P2RX2: variants seen among roughly 807,000 people sequenced by gnomAD.
P2RX2 encodes the protein purinergic receptor P2X 2.
A neutral mutation model predicts 54.8 loss-of-function variants in P2RX2; 50 were observed. The observed-to-expected ratio is 0.91, with a 90% CI of 0.73 to 1.15. The LOEUF (loss-of-function observed/expected upper bound fraction) is 1.15, where lower values mean the gene tolerates loss of function less well. P2RX2 is among the 50% of genes most tolerant of loss of function. P2RX2 has a pLI of 0.00. For missense variants in P2RX2, 658 were observed against 633.2 expected, an observed-to-expected ratio of 1.04 and a Z score of -0.42; for synonymous variants, 289 against 259.4, an observed-to-expected ratio of 1.11 and a Z score of -1.09.
At chr12:132,619,625 G>A in intron 2 of P2RX2, 51 bp downstream of exon 2, 3 of 1,590,376 alleles carry the variant, frequency 1.9e-6, no homozygotes, top group Non-Finnish European at 2.6e-6. Flanking sequence ...ACCCTAGTGG[G>A]CGGAGGGGGC....
Position 132,619,904 on chromosome 12 carries a change from G to C in P2RX2, c.442G>C (p.Asp148His). ...CGCCGACTGCGTGGCTGGGGAGCTG[G>C]ACATGCTGGGAAACGGTCGGTGTGC... is the stretch of plus-strand genomic sequence containing the variant. ...SDADCVAGEL[D>H]MLGNGLRTGR... The change falls in exon 4 of 11, where the codon GAC becomes CAC. Residue 148 changes from aspartate (D) to histidine (H), a missense_variant. Transcript: ENST00000643471. 6.4e-7 allele frequency: 1 copy of C among 1,560,236 alleles called. No homozygotes were observed. The highest frequency in any genetic ancestry group is 1.1e-5 in the South Asian group (1 of 89,970).
At position 132,619,923 on chromosome 12, in the gene P2RX2, G is replaced by C. The variant is rs764751664; in HGVS notation, c.457+4G>C. ...GAGCTGGACATGCTGGGAAACGGTCGGTGTGCGCCAGCTGGGGCTGGGCGG... is the reference window on the plus strand; with the variant it reads ...GAGCTGGACATGCTGGGAAACGGTCCGTGTGCGCCAGCTGGGGCTGGGCGG... On this transcript the variant is annotated splice_donor_region_variant and intron_variant, in intron 4 of 10. Transcript: ENST00000643471. 3 of 1,607,624 alleles carry C rather than the reference G, an allele frequency of 1.9e-6. No individual in the cohort carries two copies. The highest frequency in any genetic ancestry group is 2.2e-5 in the South Asian group (2 of 90,134).
chr12:132,619,573 A>C lies in P2RX2; in HGVS notation c.308A>C (p.Glu103Ala), dbSNP rs2041549898. 6.2e-7 allele frequency: 1 copy of C among 1,609,306 alleles called. No individual in the cohort carries two copies. Among genetic ancestry groups the C allele is most frequent in the African/African-American group, 1.3e-5 (1 of 74,538 alleles). ...WDVEEYVKPP[E>A]GGSVFSIITR... Reference sequence around the variant, plus strand: ...GTGGAGGAGTACGTGAAGCCCCCCGAGGTGCGGGCCGCCCCCTGCCCCCCG... The same window carrying C: ...GTGGAGGAGTACGTGAAGCCCCCCGCGGTGCGGGCCGCCCCCTGCCCCCCG... Residue 103 changes from glutamate (E) to alanine (A), a missense_variant and splice_region_variant, in exon 2 of 11, where the codon GAG becomes GCG. Glu to Ala is a moderately radical substitution (Grantham distance 107, BLOSUM62 -1). Transcript: ENST00000643471.
At chr12:132,621,201 G>A in intron 8 of P2RX2, 54 bp from the exon 9 acceptor site, 1 of 1,613,916 alleles carries the variant, frequency 6.2e-7, no homozygotes, top group Non-Finnish European at 8.5e-7. Context: ...CCCAATGCCT[G>A]TGGGGCAGCC....
In P2RX2 at chr12:132,621,288, C is replaced by T; in HGVS notation, c.939C>T (p.Thr313=). The T allele has an allele frequency of 3.1e-6, 5 of 1,614,050 alleles. No individual in the cohort carries two copies. Among genetic ancestry groups the T allele is most frequent in the South Asian group, 1.1e-5 (1 of 91,080 alleles). The change falls in exon 9 of 11, where the codon ACC becomes ACT. Residue 313 remains threonine (T), a synonymous_variant. Transcript: ENST00000643471. ...FAKYYKINGT[T]TRTLIKAYGI... ...AATACTACAAGATCAATGGCACCAC[C>T]ACCCGCACGCTCATCAAGGCCTACG...
Position 132,622,319 on chromosome 12 carries a change from A to T in P2RX2, c.*347A>T. 1 of 865,498 alleles carries T rather than the reference A, an allele frequency of 1.2e-6. No homozygotes were observed. Among genetic ancestry groups the T allele is most frequent in the Non-Finnish European group, 1.5e-6 (1 of 648,822 alleles). The allele number at this position is 865,498 out of a possible 1,614,324, so 53.6% of individuals were successfully genotyped here. ...CCCACCCCACCCCACAGGCGTTGTA[A>T]CCTTGAATCTGCCCAGACTCTTCCC... is the stretch of plus-strand genomic sequence containing the variant. On this transcript the variant is annotated 3_prime_UTR_variant, in exon 11 of 11. Transcript: ENST00000643471.
At chr12:132,621,575 G>A (rs547555477) in intron 10 of P2RX2, 35 bp downstream of exon 10, 3 of 1,602,284 alleles carry the variant, frequency 1.9e-6, no homozygotes, top group Admixed American at 1.7e-5. Flanking sequence ...AGCGGGTGCG[G>A]GGGGTCCACC....
At chr12:132,619,941 C>A (rs1341502216) in intron 4 of P2RX2, 22 bp downstream of exon 4, 1 of 681,228 alleles carries the variant, frequency 1.5e-6, no homozygotes, top group Non-Finnish European at 2.6e-6. Flanking sequence ...CCAGCTGGGG[C>A]TGGGCGGGTG....
At chr12:132,621,579 G>A (rs1018815433) in intron 10 of P2RX2, 39 bp downstream of exon 10, 17 of 1,603,916 alleles carry the variant, frequency 1.1e-5, no homozygotes, top group African/African-American at 1.3e-5. Flanking sequence ...GGTGCGGGGG[G>A]TCCACCAGGC....
At chr12:132,620,139 C>A in intron 5 of P2RX2, 43 bp downstream of exon 5, 1 of 1,533,600 alleles carries the variant, frequency 6.5e-7, no homozygotes, top group Non-Finnish European at 8.9e-7. Context: ...CCCCTCTGAT[C>A]CTTTTCCCCT....
Position 132,619,572 on chromosome 12 carries a change from G to A in P2RX2, c.307G>A (p.Glu103Lys). The A allele has an allele frequency of 6.2e-7, 1 of 1,610,300 alleles. No homozygotes were observed. Among genetic ancestry groups the A allele is most frequent in the Non-Finnish European group, 8.5e-7 (1 of 1,178,338 alleles). The stretch of plus-strand genomic sequence containing the variant: ...CGTGGAGGAGTACGTGAAGCCCCCC[G>A]AGGTGCGGGCCGCCCCCTGCCCCCC... The part of the protein sequence containing the change: ...WDVEEYVKPP[E>K]GGSVFSIITR... The change falls in exon 2 of 11, where the codon GAG (glutamate) becomes AAG (lysine). Residue 103 changes from glutamate (E) to lysine (K), a missense_variant and splice_region_variant. Coordinates refer to ENST00000643471, the MANE Select transcript of P2RX2 (RefSeq NM_170682.4).
rs762984068 is a variant in P2RX2 at position 132,621,595 on chromosome 12, C to T, written c.1063-24C>T. The T allele has an allele frequency of 2.0e-5, 32 of 1,611,300 alleles. No homozygotes were observed. The highest frequency in any genetic ancestry group is 2.2e-5 in the East Asian group (1 of 44,872). On this transcript the variant is annotated intron_variant, in intron 10 of 10. Coordinates refer to ENST00000643471, the MANE Select transcript of P2RX2 (RefSeq NM_170682.4). ...GTGCGGGGGGTCCACCAGGCCCTTA[C>T]ACACCGGTCTCTGCTGGCCCCAGGG...
In P2RX2 at chr12:132,620,253, C is replaced by T. The variant is rs202059124; in HGVS notation, c.555-14C>T. The T allele has an allele frequency of 9.1e-5, 147 of 1,611,584 alleles. 1 individual carries two copies. In the East Asian group the frequency reaches 3.2e-3, roughly 35 times the overall value. ...GGGAAGAGGGGACTAAACAACCCTT[C>T]TGTGCCTCCTCAGCCAATTTCTGGG... On this transcript the variant is annotated splice_polypyrimidine_tract_variant and intron_variant, in intron 5 of 10. Transcript: ENST00000643471.
Position 132,621,118 on chromosome 12 carries a change from G to C in P2RX2, c.892G>C (p.Gly298Arg). ...LDPKHVPASS[G>R]YNFRFAKYYK... The stretch of plus-strand genomic sequence containing the variant: ...CCCCAAGCACGTGCCTGCCTCGTCA[G>C]GCTACAACTTCAGGTGCTGTACTTG... The change falls in exon 8 of 11, where the codon GGC (glycine) becomes CGC (arginine). Residue 298 changes from glycine (G) to arginine (R), a missense_variant. Physicochemically the swap from Gly to Arg is moderately radical, Grantham distance 125 (BLOSUM62 -2). Coordinates refer to ENST00000643471, the MANE Select transcript of P2RX2 (RefSeq NM_170682.4). The C allele has an allele frequency of 6.2e-7, 1 of 1,614,106 alleles. No individual in the cohort carries two copies. The highest frequency in any genetic ancestry group is 8.5e-7 in the Non-Finnish European group (1 of 1,180,014).
In P2RX2 at chr12:132,619,178, T is replaced by TC. The variant is rs1566290091; in HGVS notation, c.173+189_173+190insC. On this transcript the variant is annotated intron_variant, in intron 1 of 10. Transcript: ENST00000643471. ...GGGGGCGCGGGGCAGGGGCTGGGAC[T>TC]GGGGGCGTGGGGCAGGGGCTGGGAC... 7.0e-3 allele frequency among the ~76,000 whole-genome samples: 228 copies of TC among 32,594 alleles called. 5 individuals are homozygous for TC. The highest frequency in any genetic ancestry group is 8.2e-3 in the Admixed American group (20 of 2,430). The allele number at this position is 32,594 out of a possible 152,430, so 21.4% of individuals were successfully genotyped here.
Position 132,621,336 on chromosome 12 carries a change from G to A in P2RX2, c.987G>A (p.Val329=), listed in dbSNP as rs1367761579. 3.1e-6 allele frequency: 5 copies of A among 1,613,898 alleles called. No homozygotes were observed. Among genetic ancestry groups the A allele is most frequent in the Non-Finnish European group, 4.2e-6 (5 of 1,180,000 alleles). ...KAYGIRIDVI[V]HGQAGKFSLI... is the part of the protein sequence containing the mutation. The stretch of plus-strand genomic sequence containing the variant: ...ACGGGATCCGCATTGACGTCATTGT[G>A]CATGGACAGGTGCCTGCACCTGCTG... Residue 329 remains valine (V), a synonymous_variant, in exon 9 of 11, where the codon GTG becomes GTA. Coordinates refer to ENST00000643471, the MANE Select transcript of P2RX2 (RefSeq NM_170682.4).
intron 3 of P2RX2, 24 bp from the exon 4 acceptor site, chr12:132,619,820 C>T: frequency 6.2e-7 from 1 of 1,610,512 alleles, no homozygotes; most frequent in Non-Finnish European, 8.5e-7. Context: ...TGCGGGGTCC[C>T]TGACTGGGCC....
At chr12:132,620,237 G>A (rs2138370170) in intron 5 of P2RX2, 30 bp from the exon 6 acceptor site, 1 of 1,592,604 alleles carries the variant, frequency 6.3e-7, no homozygotes, top group Non-Finnish European at 8.6e-7. Flanking sequence ...CGGGAAGAGG[G>A]GACTAAACAA....
intron 10 of P2RX2, 35 bp downstream of exon 10, chr12:132,621,575 G>C (rs547555477): frequency 6.2e-7 from 1 of 1,602,284 alleles, no homozygotes; most frequent in South Asian, 1.1e-5. Context: ...AGCGGGTGCG[G>C]GGGGTCCACC....
Sources: allele counts gnomAD v4.1 joint callset (sites outside exome capture counted in the v4.1 genomes callset), GRCh38; gene constraint gnomAD v4.1.1; transcripts MANE v1.5; gene names NCBI Gene and HGNC (gene_info 2026-07-23, HGNC 2026-07-21).